Variants in ELF2 observed in about 807,000 individuals in gnomAD.
ELF2 encodes ETS-related transcription factor Elf-2.
Under a neutral mutation model 54.8 loss-of-function variants are expected in ELF2, and 11 were observed. That is an observed-to-expected ratio of 0.20 (90% CI 0.13 to 0.33). The LOEUF is 0.33. Ranked by LOEUF, ELF2 falls within the 10% of genes least tolerant of loss-of-function variation. The pLI is 1.00. For synonymous variants in ELF2, 203 were observed against 245.1 expected (o/e 0.83, Z 1.61); for missense variants, 513 against 703.0 (o/e 0.73, Z 3.06).
At chr4:139,114,577 A>C (rs1475130217) in intron 4 of ELF2, among the ~76,000 whole-genome samples, 1 of 146,644 alleles carries the variant, frequency 6.8e-6, no homozygotes, top group African/African-American at 2.5e-5. Flanking sequence ...ACACACACAC[A>C]CACACACACA....
intron 4 of ELF2, among the ~76,000 whole-genome samples, chr4:139,113,596 T>G (rs1735207487): frequency 6.6e-6 from 1 of 151,980 alleles, no homozygotes. Context: ...ATGCCTGTAA[T>G]CCCAGTACCT....
At chr4:139,172,349 C>T (rs894638144) in intron 1 of ELF2, among the ~76,000 whole-genome samples, 1 of 152,160 alleles carries the variant, frequency 6.6e-6, no homozygotes. Flanking sequence ...AAATAATCTA[C>T]GTTTTAAATT....
intron 4 of ELF2, among the ~76,000 whole-genome samples, chr4:139,077,531 T>C (rs960497289): frequency 1.3e-5 from 2 of 152,188 alleles, no homozygotes; most frequent in Admixed American, 6.5e-5. Context: ...AATGTACTAA[T>C]GCCAGTTTCC....
chr4:139,157,567 A>T (rs1740675709), intron 1 of ELF2, among the ~76,000 whole-genome samples: 1 of 151,950 alleles, frequency 6.6e-6, no homozygotes, highest in African/African-American at 2.4e-5. Context: ...AAACCCAACT[A>T]AGGTTTTTTT....
intron 1 of ELF2, among the ~76,000 whole-genome samples, chr4:139,169,782 G>A (rs962882459): frequency 6.6e-6 from 1 of 151,580 alleles, no homozygotes; most frequent in African/African-American, 2.4e-5. Flanking sequence ...GCGTGAACCC[G>A]GGAGGCGGAG....
intron 3 of ELF2, chr4:139,136,664 CTTTT>C (rs753323233): frequency 3.0e-5 from 4 of 131,228 alleles, no homozygotes; most frequent in Non-Finnish European, 3.3e-5. Flanking sequence ...AATATTCACT[CTTTT>C]TTTTTTTTTT....
At chr4:139,091,675 A>C (rs1218971461) in intron 4 of ELF2, among the ~76,000 whole-genome samples, 1 of 151,772 alleles carries the variant, frequency 6.6e-6, no homozygotes, top group Non-Finnish European at 1.5e-5. Flanking sequence ...TAGAGGTGGG[A>C]GGATTACTTG....
At chr4:139,153,810 T>C (rs1740259186) in intron 1 of ELF2, among the ~76,000 whole-genome samples, 1 of 152,246 alleles carries the variant, frequency 6.6e-6, no homozygotes, top group Non-Finnish European at 1.5e-5. Context: ...CTGTTTACTT[T>C]ATCTTATGTA....
intron 1 of ELF2, among the ~76,000 whole-genome samples, chr4:139,148,753 GAGA>G (rs1277016546): frequency 2.0e-5 from 3 of 151,902 alleles, no homozygotes; most frequent in Non-Finnish European, 4.4e-5. Context: ...ATATAGCCAG[GAGA>G]AGAAGTGCTA....
chr4:139,129,196 C>T (rs1367512135), intron 3 of ELF2, among the ~76,000 whole-genome samples: 1 of 152,186 alleles, frequency 6.6e-6, no homozygotes, highest in Non-Finnish European at 1.5e-5. Context: ...CCTCAGCCTC[C>T]CAAAGTGCTG....
chr4:139,088,695 C>G (rs1033360585), intron 4 of ELF2, among the ~76,000 whole-genome samples: 15 of 152,328 alleles, frequency 9.8e-5, no homozygotes, highest in African/African-American at 3.6e-4. Context: ...TCTCCACTCT[C>G]TCCAGAATGG....
At position 139,092,083 on chromosome 4, in the gene ELF2, C is replaced by T. The variant is rs150725733; in HGVS notation, c.239-18516G>A. Among the ~76,000 whole-genome samples the T allele has an allele frequency of 1.6e-3, 240 of 151,204 alleles. 1 individual carries two copies. Among genetic ancestry groups the T allele is most frequent in the Non-Finnish European group, 2.7e-3 (184 of 67,900 alleles). On this transcript the variant is annotated intron_variant, in intron 4 of 9. Coordinates refer to ENST00000686138, the MANE Select transcript of ELF2 (RefSeq NM_001331036.3). ...GATATTTAAAAATAATAAAATAGGC[C>T]GGGTGTGGTGGCTCACCCCTGTAAT...
chr4:139,163,306 A>G (rs1029653643), intron 1 of ELF2, among the ~76,000 whole-genome samples: 2 of 152,146 alleles, frequency 1.3e-5, no homozygotes, highest in African/African-American at 4.8e-5. Context: ...AGAAAAAAGA[A>G]TAACTGTAAA....
At chr4:139,128,306 ATTTCT>A (rs2148842306) in intron 3 of ELF2, among the ~76,000 whole-genome samples, 1 of 152,094 alleles carries the variant, frequency 6.6e-6, no homozygotes, top group South Asian at 2.1e-4. Context: ...TTAAACTCTC[ATTTCT>A]TTTAACTGAA....
intron 1 of ELF2, among the ~76,000 whole-genome samples, chr4:139,140,655 G>A (rs756566391): frequency 5.3e-5 from 8 of 151,976 alleles, no homozygotes; most frequent in Non-Finnish European, 1.0e-4. Context: ...TTGGTAGGCT[G>A]AGGTGGGAGG....
chr4:139,134,594 TTTTATTTTA>T (rs931807688), intron 3 of ELF2, among the ~76,000 whole-genome samples: 1 of 136,818 alleles, frequency 7.3e-6, no homozygotes, highest in African/African-American at 2.9e-5. Context: ...ATTTATTTTA[TTTTATTTTA>T]TTTTATTTTA....
At chr4:139,077,661 A>C (rs1463977981) in intron 4 of ELF2, among the ~76,000 whole-genome samples, 2 of 152,224 alleles carry the variant, frequency 1.3e-5, no homozygotes, top group Non-Finnish European at 2.9e-5. Flanking sequence ...AATTAAAAAA[A>C]AAATACTATT....
chr4:139,091,541 C>T lies in ELF2; in HGVS notation c.239-17974G>A, dbSNP rs72949608. On this transcript the variant is annotated intron_variant, in intron 4 of 9. Coordinates refer to ENST00000686138, the MANE Select transcript of ELF2 (RefSeq NM_001331036.3). Reference sequence around the variant, plus strand: ...ACTCTGTTGCCCAGGCTGAGTGCAGCGCTGCTATCACAACTCAGTGCAGCC... The same window carrying T: ...ACTCTGTTGCCCAGGCTGAGTGCAGTGCTGCTATCACAACTCAGTGCAGCC... Among the ~76,000 whole-genome samples the T allele has an allele frequency of 7.8e-3, 1,194 of 152,152 alleles. 21 individuals are homozygous for T. The highest frequency in any genetic ancestry group is 0.027 in the African/African-American group (1,129 of 41,496).
chr4:139,069,560 C>G (rs900307492), intron 6 of ELF2, among the ~76,000 whole-genome samples: 2 of 152,094 alleles, frequency 1.3e-5, no homozygotes, highest in African/African-American at 4.8e-5. Context: ...TAAAGCGGCA[C>G]GTCCAAAGTC....
Sources: gnomAD v4.1 joint callset for allele counts (sites outside exome capture counted in the v4.1 genomes callset) on GRCh38, gnomAD v4.1.1 for gene constraint, MANE v1.5 for transcripts, NCBI Gene and HGNC (gene_info 2026-07-23, HGNC 2026-07-21) for gene names.